Variants in FBXL4 observed in about 807,000 individuals in gnomAD.
FBXL4 encodes the protein F-box/LRR-repeat protein 4.
FBXL4 carries 40 observed loss-of-function variants against 58.9 expected under a neutral mutation model. That is an observed-to-expected ratio of 0.68 (90% CI 0.53 to 0.88). The LOEUF (loss-of-function observed/expected upper bound fraction) is 0.88, where lower values mean the gene tolerates loss of function less well. Ranked by LOEUF, FBXL4 falls within the 40% of genes least tolerant of loss-of-function variation. The probability of loss-of-function intolerance (pLI) is 0.00; values close to 1 mark genes in which losing one functional copy is unlikely to be tolerated. For synonymous variants in FBXL4, 263 were observed against 265.5 expected (o/e 0.99, Z 0.09); for missense variants, 676 against 734.4 (o/e 0.92, Z 0.92).
chr6:98,921,761 A>C (rs900177526), intron 4 of FBXL4, among the ~76,000 whole-genome samples: 1 of 151,960 alleles, frequency 6.6e-6, no homozygotes, highest in Admixed American at 6.6e-5. Flanking sequence ...TGCTTTCTTA[A>C]TTTCAATATT....
chr6:98,881,228 T>C (rs1370113801), intron 7 of FBXL4, among the ~76,000 whole-genome samples: 3 of 152,172 alleles, frequency 2.0e-5, no homozygotes, highest in East Asian at 1.9e-4. Context: ...TACTTTCTAG[T>C]CATGTTCCTG....
chr6:98,909,715 T>A (rs552124232), intron 5 of FBXL4, among the ~76,000 whole-genome samples: 134 of 152,268 alleles, frequency 8.8e-4, no homozygotes, highest in African/African-American at 3.2e-3. Context: ...AGCAACACTG[T>A]CAGTATCTCA....
At chr6:98,900,890 C>G (rs1771583672) in intron 6 of FBXL4, among the ~76,000 whole-genome samples, 1 of 152,096 alleles carries the variant, frequency 6.6e-6, no homozygotes. Flanking sequence ...ACATAACTCC[C>G]TCTCTTGGAT....
chr6:98,931,007 GAAGA>G (rs1220980712), intron 2 of FBXL4, among the ~76,000 whole-genome samples: 1 of 152,164 alleles, frequency 6.6e-6, no homozygotes, highest in African/African-American at 2.4e-5. Context: ...AGCTAATTTA[GAAGA>G]CTATGGATGT....
At chr6:98,909,334 T>C (rs534201293) in intron 5 of FBXL4, among the ~76,000 whole-genome samples, 1 of 152,192 alleles carries the variant, frequency 6.6e-6, no homozygotes, top group Non-Finnish European at 1.5e-5. Context: ...TCTATGTGCA[T>C]GGAGCTGTGC....
intron 5 of FBXL4, 124 bp downstream of exon 5, chr6:98,917,250 C>T: frequency 3.2e-6 from 2 of 620,040 alleles, no homozygotes; most frequent in Non-Finnish European, 5.0e-6. Context: ...TCAAAATATA[C>T]AACACATCAA....
intron 7 of FBXL4, among the ~76,000 whole-genome samples, chr6:98,892,753 T>C (rs1771272965): frequency 6.6e-6 from 1 of 152,210 alleles, no homozygotes; most frequent in African/African-American, 2.4e-5. Context: ...GATCAACTTC[T>C]TTTGTTGTCT....
At chr6:98,912,304 C>G (rs1288385728) in intron 5 of FBXL4, among the ~76,000 whole-genome samples, 4 of 152,244 alleles carry the variant, frequency 2.6e-5, no homozygotes, top group African/African-American at 4.8e-5. Flanking sequence ...GGCCAACATT[C>G]AGATTCAGGA....
At chr6:98,941,715 TACTTCAG>T (rs1264108801) in intron 1 of FBXL4, among the ~76,000 whole-genome samples, 1 of 152,184 alleles carries the variant, frequency 6.6e-6, no homozygotes, top group African/African-American at 2.4e-5. Flanking sequence ...TGACATGAAA[TACTTCAG>T]ACCAGGACCA....
At chr6:98,945,492 T>C (rs1240656334) in intron 1 of FBXL4, among the ~76,000 whole-genome samples, 1 of 152,204 alleles carries the variant, frequency 6.6e-6, no homozygotes, top group Non-Finnish European at 1.5e-5. Flanking sequence ...ACAAGGTTAC[T>C]GGGTAGGTGG....
At chr6:98,889,678 CAAAA>C (rs34182678) in intron 7 of FBXL4, among the ~76,000 whole-genome samples, 1 of 72,164 alleles carries the variant, frequency 1.4e-5, no homozygotes, top group Non-Finnish European at 2.9e-5. Context: ...CACCCTGTCT[CAAAA>C]AAAAAAAAAA....
intron 7 of FBXL4, among the ~76,000 whole-genome samples, chr6:98,891,347 C>T (rs1186210991): frequency 6.6e-6 from 1 of 152,302 alleles, no homozygotes; most frequent in East Asian, 1.9e-4. Context: ...TTAGCTCTAA[C>T]ATACAAGTTT....
chr6:98,874,525 G>A, intron 9 of FBXL4, 84 bp from the exon 10 acceptor site: 1 of 1,381,120 alleles, frequency 7.2e-7, no homozygotes, highest in Non-Finnish European at 9.8e-7. Flanking sequence ...ATCCATCCAT[G>A]ATTTATTGTT....
At chr6:98,913,806 A>T (rs1470232823) in intron 5 of FBXL4, among the ~76,000 whole-genome samples, 1 of 152,240 alleles carries the variant, frequency 6.6e-6, no homozygotes, top group Non-Finnish European at 1.5e-5. Context: ...GGCAAGACAT[A>T]ACTAAAATCA....
chr6:98,903,405 C>G (rs187598087), intron 6 of FBXL4, among the ~76,000 whole-genome samples: 21 of 152,210 alleles, frequency 1.4e-4, no homozygotes, highest in Non-Finnish European at 2.2e-4. Flanking sequence ...ATAGTGACTA[C>G]ACTTAAAGGA....
chr6:98,878,511 A>G (rs1359070091), intron 8 of FBXL4, among the ~76,000 whole-genome samples: 1 of 151,948 alleles, frequency 6.6e-6, no homozygotes, highest in Non-Finnish European at 1.5e-5. Flanking sequence ...CTGGCTTCCT[A>G]ATTTCATTAG....
intron 5 of FBXL4, among the ~76,000 whole-genome samples, chr6:98,908,705 A>C (rs544330761): frequency 3.3e-5 from 5 of 152,284 alleles, no homozygotes; most frequent in Non-Finnish European, 7.4e-5. Flanking sequence ...GAAAAGATAT[A>C]AAACTGTTTT....
rs2128416191 is a variant in FBXL4, at chr6:98,947,932, G to C, written c.-435C>G. On this transcript the variant is annotated 5_prime_UTR_variant, in exon 1 of 10. Transcript: ENST00000369244. Reference sequence around the variant, plus strand: ...GCACAACCGCCGCAAGCCCGGCCTAGCGCGACCCGGAAGGAAGACGCGGAG... The same window carrying C: ...GCACAACCGCCGCAAGCCCGGCCTACCGCGACCCGGAAGGAAGACGCGGAG... 1 of 151,492 alleles carries C rather than the reference G, an allele frequency of 6.6e-6. No individual in the cohort carries two copies. The highest frequency in any genetic ancestry group is 2.1e-4 in the South Asian group (1 of 4,806). 9.4% of individuals were successfully genotyped at this position (151,492 alleles called of 1,614,324 possible).
intron 1 of FBXL4, among the ~76,000 whole-genome samples, chr6:98,944,923 T>C (rs1773564915): frequency 6.6e-6 from 1 of 152,072 alleles, no homozygotes; most frequent in Non-Finnish European, 1.5e-5. Flanking sequence ...GTTCCTGTTG[T>C]GCTTTGTCTC....
Sources: allele counts gnomAD v4.1 joint callset (sites outside exome capture counted in the v4.1 genomes callset), GRCh38; gene constraint gnomAD v4.1.1; transcripts MANE v1.5; gene names NCBI Gene and HGNC (gene_info 2026-07-23, HGNC 2026-07-21).